ROBO1: variants seen among roughly 807,000 people sequenced by gnomAD.
The protein encoded by ROBO1 is roundabout homolog 1.
Under a neutral mutation model 195.9 loss-of-function variants are expected in ROBO1, and 149 were observed. That is an observed-to-expected ratio of 0.76 (90% CI 0.67 to 0.87). The LOEUF (loss-of-function observed/expected upper bound fraction) is 0.87, where lower values mean the gene tolerates loss of function less well. Among genes scored for constraint, ROBO1 ranks in the 40% least tolerant of loss-of-function variants. ROBO1 has a pLI of 0.00. For synonymous variants in ROBO1, 816 were observed against 733.2 expected, an observed-to-expected ratio of 1.11 and a Z score of -1.82; for missense variants, 1,933 against 2,068.3, an observed-to-expected ratio of 0.93 and a Z score of 1.27.
intron 2 of ROBO1, among the ~76,000 whole-genome samples, chr3:79,576,590 C>G (rs10451952): frequency 6.6e-6 from 1 of 151,972 alleles, no homozygotes; most frequent in Admixed American, 6.6e-5. Context: ...ACATTTCACA[C>G]GGCTGGTAGA....
chr3:79,159,935 T>G (rs1455287282), intron 2 of ROBO1, among the ~76,000 whole-genome samples: 1 of 151,968 alleles, frequency 6.6e-6, no homozygotes, highest in Non-Finnish European at 1.5e-5. Flanking sequence ...TGAATCTGAG[T>G]GCATGCAAAG....
intron 2 of ROBO1, chr3:79,512,721 A>T (rs1188736241): frequency 6.6e-6 from 1 of 152,204 alleles, no homozygotes; most frequent in East Asian, 1.9e-4. Context: ...CAGAAACAAA[A>T]GATTGAGAAC....
chr3:79,113,708 AG>A lies in ROBO1; in HGVS notation c.172+11747del, dbSNP rs1051265602. ...CTTGAACCTGGGAGGTGGAGGTTGC[AG>A]TGAGCCGAGATCCTGCCATTACACT... On this transcript the variant is annotated intron_variant, in intron 3 of 30. Coordinates refer to ENST00000464233, the MANE Select transcript of ROBO1 (RefSeq NM_002941.4). Among the ~76,000 whole-genome samples, 14 of 152,258 alleles carry A rather than the reference AG, an allele frequency of 9.2e-5. No homozygotes were observed. The South Asian group carries it at 2.3e-3, about 25-fold the overall frequency.
At chr3:78,748,237 G>T (rs971173928) in intron 4 of ROBO1, among the ~76,000 whole-genome samples, 4 of 152,236 alleles carry the variant, frequency 2.6e-5, no homozygotes, top group Admixed American at 6.5e-5. Context: ...CCTGAGGTCA[G>T]GAGTTTGAGA....
chr3:79,241,935 T>C (rs1459094634), intron 2 of ROBO1, among the ~76,000 whole-genome samples: 2 of 105,416 alleles, frequency 1.9e-5, no homozygotes, highest in Non-Finnish European at 3.7e-5. Flanking sequence ...GTCTTCTTAA[T>C]GCTTAATTTA....
At chr3:78,969,786 T>C (rs1300924063) in intron 3 of ROBO1, among the ~76,000 whole-genome samples, 1 of 152,218 alleles carries the variant, frequency 6.6e-6, no homozygotes, top group African/African-American at 2.4e-5. Flanking sequence ...AAAAATCATA[T>C]GGACACAAAC....
chr3:79,259,431 T>G (rs1254168819), intron 2 of ROBO1, among the ~76,000 whole-genome samples: 2 of 151,966 alleles, frequency 1.3e-5, no homozygotes, highest in Non-Finnish European at 2.9e-5. Flanking sequence ...TGAGCCACCA[T>G]GCCTGGCCTA....
chr3:78,638,423 T>C (rs566578953), intron 22 of ROBO1, among the ~76,000 whole-genome samples: 1 of 151,936 alleles, frequency 6.6e-6, no homozygotes, highest in Non-Finnish European at 1.5e-5. Flanking sequence ...AATTTTTATT[T>C]AAATTTTTTT....
intron 4 of ROBO1, among the ~76,000 whole-genome samples, chr3:78,929,556 A>G (rs28564735): frequency 0.11 from 17,278 of 151,546 alleles, 2,503 homozygotes; most frequent in African/African-American, 0.34. Flanking sequence ...AGGCTGGAGC[A>G]CAGTGATGCC....
intron 3 of ROBO1, among the ~76,000 whole-genome samples, chr3:79,050,264 C>T (rs997288623): frequency 1.3e-5 from 2 of 152,124 alleles, no homozygotes; most frequent in African/African-American, 4.8e-5. Context: ...TCTGATAAAA[C>T]AGGCTTTAAA....
chr3:78,605,615 C>G (rs1355720117), intron 29 of ROBO1, among the ~76,000 whole-genome samples: 1 of 152,178 alleles, frequency 6.6e-6, no homozygotes, highest in Non-Finnish European at 1.5e-5. Context: ...CCACTCTGTC[C>G]TCACAACCTT....
In ROBO1 at chr3:79,538,572, G is replaced by A. The variant is rs187028874; in HGVS notation, c.88+51252C>T. On this transcript the variant is annotated intron_variant, in intron 2 of 30. Transcript: ENST00000464233. ...TGTTTACTGTTGGTTACCTGCAACCGAAAAGGTACATGGCAGACCCTGGCA... is the reference window on the plus strand; with the variant it reads ...TGTTTACTGTTGGTTACCTGCAACCAAAAAGGTACATGGCAGACCCTGGCA... Among the ~76,000 whole-genome samples the A allele has an allele frequency of 4.6e-3, 697 of 152,180 alleles. 6 individuals are homozygous for A. The highest frequency in any genetic ancestry group is 0.011 in the South Asian group (51 of 4,826).
At chr3:79,547,654 A>G (rs968462177) in intron 2 of ROBO1, among the ~76,000 whole-genome samples, 4 of 152,202 alleles carry the variant, frequency 2.6e-5, no homozygotes, top group African/African-American at 9.6e-5. Context: ...AGACATGAGC[A>G]GAGAGGATGG....
At chr3:79,282,014 G>C (rs2109003900) in intron 2 of ROBO1, among the ~76,000 whole-genome samples, 1 of 152,238 alleles carries the variant, frequency 6.6e-6, no homozygotes, top group South Asian at 2.1e-4. Context: ...ATTAGTGCTG[G>C]AAATACACAG....
In ROBO1 at chr3:79,566,149, C is replaced by A. The variant is rs531607214; in HGVS notation, c.88+23675G>T. Among the ~76,000 whole-genome samples the A allele has an allele frequency of 2.0e-5, 3 of 152,150 alleles. No individual in the cohort carries two copies. In the East Asian group the frequency reaches 5.8e-4, roughly 29 times the overall value. On this transcript the variant is annotated intron_variant, in intron 2 of 30. Transcript: ENST00000464233. ...CTTCTGAACAAGAAAGAGAGTTGGA[C>A]AACAAGGCTAGACCAAAAAGAAAAG... is the stretch of plus-strand genomic sequence containing the variant.
intron 4 of ROBO1, among the ~76,000 whole-genome samples, chr3:78,813,617 T>C (rs533877410): frequency 1.3e-5 from 2 of 152,204 alleles, no homozygotes; most frequent in East Asian, 3.9e-4. Context: ...AAAAAAAATA[T>C]GTCATGCACA....
At chr3:79,605,365 T>C (rs776634472) in intron 1 of ROBO1, among the ~76,000 whole-genome samples, 24 of 151,882 alleles carry the variant, frequency 1.6e-4, no homozygotes, top group Non-Finnish European at 2.6e-4. Context: ...TCCTTAATAG[T>C]CTCTGTGTGC....
At chr3:79,552,000 A>T (rs866446603) in intron 2 of ROBO1, among the ~76,000 whole-genome samples, 1 of 143,562 alleles carries the variant, frequency 7.0e-6, no homozygotes, top group Non-Finnish European at 1.5e-5. Flanking sequence ...AAAAAAAAAA[A>T]AAAAAAAAAA....
intron 2 of ROBO1, among the ~76,000 whole-genome samples, chr3:79,567,131 T>C (rs9880116): frequency 0.56 from 84,687 of 152,014 alleles, 24,560 homozygotes; most frequent in African/African-American, 0.73. Flanking sequence ...AGGCCATTAT[T>C]CTTAGCAAAC....
Sources: allele counts gnomAD v4.1 joint callset (sites outside exome capture counted in the v4.1 genomes callset), GRCh38; gene constraint gnomAD v4.1.1; transcripts MANE v1.5; gene names NCBI Gene and HGNC (gene_info 2026-07-23, HGNC 2026-07-21).